LARP4B: variants seen among roughly 807,000 people sequenced by gnomAD.
LARP4B encodes the protein La ribonucleoprotein 4B, also known as la-related protein 4B.
Under a neutral mutation model 89.8 loss-of-function variants are expected in LARP4B, and 12 were observed. The observed-to-expected ratio is 0.13, with a 90% CI of 0.09 to 0.22. The LOEUF (loss-of-function observed/expected upper bound fraction) is 0.22, where lower values mean the gene tolerates loss of function less well. Among genes scored for constraint, LARP4B ranks in the 10% least tolerant of loss-of-function variants. The pLI, the probability that LARP4B is intolerant of heterozygous loss-of-function variation, is 1.00. For missense variants in LARP4B, 757 were observed against 947.7 expected (o/e 0.80, Z 2.64); for synonymous variants, 367 against 363.3 (o/e 1.01, Z -0.12).
At chr10:854,968 A>C (rs1834230631) in intron 5 of LARP4B, among the ~76,000 whole-genome samples, 1 of 152,094 alleles carries the variant, frequency 6.6e-6, no homozygotes. Flanking sequence ...TTGCTGTTTC[A>C]CCTTGCATTT....
chr10:869,938 AATAATAATAAT>A (rs1484018733), intron 3 of LARP4B: 17 of 183,206 alleles, frequency 9.3e-5, no homozygotes, highest in African/African-American at 3.7e-4. Context: ...TAATAATAAT[AATAATAATAAT>A]AAATTAAAAT....
chr10:900,420 CT>C (rs529963345), intron 1 of LARP4B, among the ~76,000 whole-genome samples: 11 of 45,242 alleles, frequency 2.4e-4, no homozygotes, highest in African/African-American at 6.9e-4. Context: ...AGAAGGATGT[CT>C]TTTTTTTTTT....
In LARP4B at chr10:830,896, TA is replaced by T; in HGVS notation, c.831del (p.Thr278HisfsTer31). On this transcript the variant is annotated frameshift_variant, in exon 9 of 18. Transcript: ENST00000316157. LOFTEE classifies it high-confidence loss of function. Reference sequence around the variant, plus strand: ...TGTGCATCAGCTTCTGTTTCAAATGTAATAAACCAATTATCATTATATGCAA... The same window carrying T: ...TGTGCATCAGCTTCTGTTTCAAATGTATAAACCAATTATCATTATATGCAA... ...CEFAYNDNWFITFETEADAQQ... is the reference protein window; with the variant it reads ...CEFAYNDNWFXTFETEADAQQ... 7.0e-7 allele frequency: 1 copy of T among 1,426,968 alleles called. No homozygotes were observed. Among genetic ancestry groups the T allele is most frequent in the Non-Finnish European group, 9.9e-7 (1 of 1,014,208 alleles). 88.4% of individuals were successfully genotyped at this position (1,426,968 alleles called of 1,614,324 possible). A position where few individuals can be genotyped will look rare whatever the true frequency, so the allele number is the denominator to read the frequency against.
rs538186208 is a variant in LARP4B at position 811,987 on chromosome 10, T to C, written c.*939A>G. 1 of 152,650 alleles carries C rather than the reference T, an allele frequency of 6.6e-6. No individual in the cohort carries two copies. Among genetic ancestry groups the C allele is most frequent in the South Asian group, 2.1e-4 (1 of 4,828 alleles). 9.5% of individuals were successfully genotyped at this position (152,650 alleles called of 1,614,324 possible). A position where few individuals can be genotyped will look rare whatever the true frequency, so the allele number is the denominator to read the frequency against. On this transcript the variant is annotated 3_prime_UTR_variant, in exon 18 of 18. Transcript: ENST00000316157. ...CAAACACCATTCTCTCACGATTACA[T>C]AACTCTTAAATCCATGTGCTGATGC...
chr10:949,271 A>G, the LARP4B span, among the ~76,000 whole-genome samples: 1 of 146,380 alleles, frequency 6.8e-6, no homozygotes, highest in Admixed American at 6.8e-5. Flanking sequence ...GTGATCTCCA[A>G]CCCGTTTTCC....
the LARP4B span, among the ~76,000 whole-genome samples, chr10:944,709 T>C: frequency 6.6e-6 from 1 of 152,268 alleles, no homozygotes; most frequent in Non-Finnish European, 1.5e-5. Flanking sequence ...GACTCACTTT[T>C]CCTGCTGCCT....
intron 13 of LARP4B, among the ~76,000 whole-genome samples, chr10:823,131 C>T (rs185079847): frequency 2.0e-5 from 3 of 152,302 alleles, no homozygotes; most frequent in East Asian, 1.9e-4. Flanking sequence ...CAGAACCCAT[C>T]GCAGAAACAG....
intron 1 of LARP4B, among the ~76,000 whole-genome samples, chr10:929,763 T>A (rs1448050289): frequency 6.6e-6 from 1 of 152,176 alleles, no homozygotes; most frequent in East Asian, 1.9e-4. Context: ...AAGCCATGCC[T>A]TTGTTTCATA....
chr10:873,092 G>C (rs34885925), intron 3 of LARP4B: 157,396 of 985,080 alleles, frequency 0.16, 13,582 homozygotes, highest in Non-Finnish European at 0.18. Context: ...TAACAGGCCA[G>C]TTTTTTCACT....
At chr10:871,932 T>C (rs1835223191) in intron 3 of LARP4B, among the ~76,000 whole-genome samples, 1 of 152,168 alleles carries the variant, frequency 6.6e-6, no homozygotes, top group Non-Finnish European at 1.5e-5. Context: ...GGGTCATCAC[T>C]CCCTGCAACA....
chr10:825,509 A>C (rs1357957509), intron 12 of LARP4B, among the ~76,000 whole-genome samples, 193 bp from the exon 13 acceptor site: 1 of 152,268 alleles, frequency 6.6e-6, no homozygotes, highest in Non-Finnish European at 1.5e-5. Flanking sequence ...AATTCTGCTT[A>C]GCTGTTTTTC....
rs1454084946 is a variant in LARP4B, at chr10:813,057, G to A, written c.2086C>T (p.Pro696Ser). The A allele has an allele frequency of 3.7e-6, 6 of 1,613,836 alleles. No individual in the cohort carries two copies. The East Asian group carries it at 6.7e-5, about 18-fold the overall frequency. ...CCAGGTGTGGACTTGAGGGCTGGGG[G>A]CTCCCGGTATCTCTCTGCGGGCTCT... Reference protein sequence around the residue: ...LAEPAERYREPPALKSTPGAP... With the variant: ...LAEPAERYRESPALKSTPGAP... Residue 696 changes from proline to serine, a missense_variant, in exon 18 of 18, where the codon CCC becomes TCC. Transcript: ENST00000316157.
intron 1 of LARP4B, among the ~76,000 whole-genome samples, chr10:903,980 A>C (rs76771616): frequency 1.3e-5 from 2 of 152,158 alleles, no homozygotes; most frequent in Admixed American, 6.6e-5. Flanking sequence ...TTAAAAAAAA[A>C]CCTTGACACG....
chr10:832,314 A>G (rs977342421), intron 8 of LARP4B, among the ~76,000 whole-genome samples: 5 of 152,228 alleles, frequency 3.3e-5, no homozygotes, highest in African/African-American at 9.6e-5. Context: ...AAGTGCTGGG[A>G]TTACAGGCAT....
chr10:937,940 A>G, the LARP4B span, among the ~76,000 whole-genome samples: 1 of 152,060 alleles, frequency 6.6e-6, no homozygotes, highest in African/African-American at 2.4e-5. Flanking sequence ...GCTGGAGTGC[A>G]GTGGCGTGAT....
chr10:919,777 C>A (rs1349969237), intron 1 of LARP4B, among the ~76,000 whole-genome samples: 1 of 152,160 alleles, frequency 6.6e-6, no homozygotes, highest in African/African-American at 2.4e-5. Context: ...GTGTTAACAG[C>A]GTGGACGTTA....
intron 3 of LARP4B, among the ~76,000 whole-genome samples, chr10:867,167 AT>A (rs1834943593): frequency 6.6e-6 from 1 of 152,256 alleles, no homozygotes; most frequent in Admixed American, 6.5e-5. Context: ...GAAATGTTCA[AT>A]CAATGCTGTG....
chr10:845,163 G>A (rs530962768), intron 5 of LARP4B, 108 bp from the exon 6 acceptor site: 42 of 707,658 alleles, frequency 5.9e-5, no homozygotes, highest in African/African-American at 4.5e-4. Flanking sequence ...ACACAACTAC[G>A]TAAGTGTATC....
At chr10:879,702 A>T (rs567390896) in intron 3 of LARP4B, among the ~76,000 whole-genome samples, 1 of 152,298 alleles carries the variant, frequency 6.6e-6, no homozygotes, top group South Asian at 2.1e-4. Context: ...ACTGGGCTCA[A>T]GAAATCCTCC....
Sources: allele counts gnomAD v4.1 joint callset (sites outside exome capture counted in the v4.1 genomes callset), GRCh38; gene constraint gnomAD v4.1.1; transcripts MANE v1.5; gene names NCBI Gene and HGNC (gene_info 2026-07-23, HGNC 2026-07-21).